The following TLK1 variants were observed in gnomAD, a reference collection of about 807,000 sequenced individuals.
TLK1 encodes the protein tousled like kinase 1, also known as serine/threonine-protein kinase tousled-like 1.
Under a neutral mutation model 105.3 loss-of-function variants are expected in TLK1, and 24 were observed. The observed-to-expected ratio is 0.23, with a 90% CI of 0.17 to 0.32. The LOEUF (loss-of-function observed/expected upper bound fraction) is 0.32. Among genes scored for constraint, TLK1 ranks in the 10% least tolerant of loss-of-function variants. The pLI, the probability that TLK1 is intolerant of heterozygous loss-of-function variation, is 1.00. For missense variants in TLK1, 558 were observed against 910.5 expected, an observed-to-expected ratio of 0.61 and a Z score of 4.98; for synonymous variants, 321 against 310.4, an observed-to-expected ratio of 1.03 and a Z score of -0.36.
In TLK1 at chr2:171,160,739, G is replaced by C; in HGVS notation, c.-311C>G. 2.2e-6 allele frequency: 1 copy of C among 448,168 alleles called. No homozygotes were observed. The highest frequency in any genetic ancestry group is 3.8e-6 in the Non-Finnish European group (1 of 260,588). The allele number at this position is 448,168 out of a possible 1,614,324, so 27.8% of individuals were successfully genotyped here. ...TCGAGGGGGTGCCAGCCGGGCCGGG[G>C]TCGGAGCGCGGGCGGAGCGCGGGCT... On this transcript the variant is annotated 5_prime_UTR_variant, in exon 1 of 21. Coordinates refer to ENST00000431350, the MANE Select transcript of TLK1 (RefSeq NM_012290.5). The surrounding 1 kb of genome is among the most constrained non-coding windows in gnomAD (Gnocchi z 4.4).
chr2:171,210,622 A>G (rs1222879324), intron 1 of TLK1, among the ~76,000 whole-genome samples: 1 of 152,234 alleles, frequency 6.6e-6, no homozygotes, highest in Admixed American at 6.5e-5. Context: ...AACAAAGTCA[A>G]ACAAAACAAA....
chr2:171,162,818 A>G (rs1692539693), upstream of TLK1, among the ~76,000 whole-genome samples: 1 of 152,062 alleles, frequency 6.6e-6, no homozygotes, highest in Admixed American at 6.5e-5. Flanking sequence ...TTTGTTTTTG[A>G]GACAGAGTCT....
upstream of TLK1, among the ~76,000 whole-genome samples, chr2:171,163,789 A>G (rs1238048979): frequency 6.6e-6 from 1 of 151,978 alleles, no homozygotes; most frequent in African/African-American, 2.4e-5. Context: ...GCAGTGGTGC[A>G]ATCTTGGCTC....
chr2:171,111,204 T>G (rs1226665981), intron 2 of TLK1, among the ~76,000 whole-genome samples: 1 of 152,204 alleles, frequency 6.6e-6, no homozygotes, highest in African/African-American at 2.4e-5. Flanking sequence ...GTATTGTAAC[T>G]ATATACTAGT....
At chr2:171,210,185 G>A (rs1039668261) in intron 1 of TLK1, among the ~76,000 whole-genome samples, 7 of 152,112 alleles carry the variant, frequency 4.6e-5, no homozygotes, top group African/African-American at 1.4e-4. Flanking sequence ...GAGCTGAACT[G>A]GAATGTGGCA....
At chr2:171,229,793 T>C (rs1336957696) in intron 1 of TLK1, among the ~76,000 whole-genome samples, 1 of 152,172 alleles carries the variant, frequency 6.6e-6, no homozygotes, top group Non-Finnish European at 1.5e-5. Context: ...TTAAAAATCG[T>C]ACCTCACTAG....
intron 13 of TLK1, among the ~76,000 whole-genome samples, chr2:171,013,350 C>T (rs952164245): frequency 8.6e-5 from 8 of 92,618 alleles, no homozygotes; most frequent in Admixed American, 2.9e-4. Context: ...TTTTTGGAGA[C>T]AAAGTCTCAC....
At chr2:171,102,224 T>A (rs960496054) in intron 2 of TLK1, among the ~76,000 whole-genome samples, 1 of 152,184 alleles carries the variant, frequency 6.6e-6, no homozygotes, top group Non-Finnish European at 1.5e-5. Flanking sequence ...TTCTAGTAAA[T>A]CCTCAATTGA....
At chr2:171,143,953 T>C (rs1406510268) in intron 1 of TLK1, among the ~76,000 whole-genome samples, 5 of 152,188 alleles carry the variant, frequency 3.3e-5, no homozygotes, top group Non-Finnish European at 5.9e-5. Context: ...ACTTAAGACA[T>C]ATTTTAGATT....
At chr2:171,081,629 C>G in intron 3 of TLK1, 1 of 1,302,890 alleles carries the variant, frequency 7.7e-7, no homozygotes, top group South Asian at 1.2e-5. Context: ...ACAGGGGCTA[C>G]TAACGCTTAC....
At position 170,996,249 on chromosome 2, in the gene TLK1, T is replaced by C. The variant is rs186390117; in HGVS notation, c.2124+404A>G. Reference sequence around the variant, plus strand: ...CCTGACCTCAGATGATCTGCCCGCCTTGGCCTCCCAAAGTGCTGGGATTAC... The same window carrying C: ...CCTGACCTCAGATGATCTGCCCGCCCTGGCCTCCCAAAGTGCTGGGATTAC... On this transcript the variant is annotated intron_variant, in intron 20 of 20. Coordinates refer to ENST00000431350, the MANE Select transcript of TLK1 (RefSeq NM_012290.5). 7.9e-3 allele frequency among the ~76,000 whole-genome samples: 1,197 copies of C among 152,212 alleles called. 18 individuals carry two copies. Among genetic ancestry groups the C allele is most frequent in the African/African-American group, 0.027 (1,119 of 41,516 alleles).
intron 2 of TLK1, among the ~76,000 whole-genome samples, chr2:171,089,127 G>C (rs994872211): frequency 1.3e-5 from 2 of 152,156 alleles, no homozygotes; most frequent in African/African-American, 2.4e-5. Context: ...CAAAGTGCTG[G>C]GATTACAGGA....
intron 12 of TLK1, among the ~76,000 whole-genome samples, chr2:171,024,032 T>C (rs1575525546): frequency 6.6e-6 from 1 of 152,280 alleles, no homozygotes; most frequent in Admixed American, 6.5e-5. Context: ...TTTAGAAGCT[T>C]TGCCTCAAAT....
At chr2:171,109,552 T>C (rs1690071450) in intron 2 of TLK1, among the ~76,000 whole-genome samples, 1 of 152,230 alleles carries the variant, frequency 6.6e-6, no homozygotes, top group African/African-American at 2.4e-5. Context: ...TCAGGGAGGA[T>C]GCAGAACAAT....
At chr2:171,048,345 T>C (rs1303163747) in intron 10 of TLK1, among the ~76,000 whole-genome samples, 1 of 152,238 alleles carries the variant, frequency 6.6e-6, no homozygotes, top group Non-Finnish European at 1.5e-5. Flanking sequence ...CTTTTATTCA[T>C]TGCAGGACAA....
chr2:171,136,804 G>A (rs569581544), intron 1 of TLK1, among the ~76,000 whole-genome samples: 7 of 152,136 alleles, frequency 4.6e-5, no homozygotes, highest in Non-Finnish European at 1.0e-4. Flanking sequence ...CTTCCTCAAG[G>A]AAAGTTACTC....
intron 2 of TLK1, among the ~76,000 whole-genome samples, chr2:171,090,355 CTTATTAGTT>C (rs1689173196): frequency 8.0e-6 from 1 of 124,386 alleles, no homozygotes; most frequent in Non-Finnish European, 1.7e-5. Flanking sequence ...AACTAATTTA[CTTATTAGTT>C]TTAATTATTT....
intron 1 of TLK1, among the ~76,000 whole-genome samples, chr2:171,190,702 CA>C (rs1693129648): frequency 1.3e-5 from 2 of 152,026 alleles, no homozygotes; most frequent in Admixed American, 1.3e-4. Context: ...AAGAGGCAAA[CA>C]AAAAGCGTGC....
intron 1 of TLK1, among the ~76,000 whole-genome samples, chr2:171,136,609 T>C (rs1395162420): frequency 6.6e-6 from 1 of 152,192 alleles, no homozygotes; most frequent in Non-Finnish European, 1.5e-5. Flanking sequence ...ATGGTACATT[T>C]TATGTCGTGT....
Sources: gnomAD v4.1 joint callset for allele counts (sites outside exome capture counted in the v4.1 genomes callset) on GRCh38, gnomAD v4.1.1 for gene constraint, Gnocchi (gnomAD v3.1) non-coding constraint, MANE v1.5 for transcripts, NCBI Gene and HGNC (gene_info 2026-07-23, HGNC 2026-07-21) for gene names.